PLXNA2: variants seen among roughly 807,000 people sequenced by gnomAD.
PLXNA2 encodes the protein plexin A2.
Under a neutral mutation model 193.5 loss-of-function variants are expected in PLXNA2, and 91 were observed. The observed-to-expected ratio is 0.47, with a 90% CI of 0.40 to 0.56. PLXNA2 has a LOEUF of 0.56. Ranked by LOEUF, PLXNA2 falls within the 20% of genes least tolerant of loss-of-function variation. The pLI is 0.00. For synonymous variants in PLXNA2, 997 were observed against 1,027.3 expected (o/e 0.97, Z 0.56); for missense variants, 1,995 against 2,503.2 (o/e 0.80, Z 4.33).
intron 23 of PLXNA2, 109 bp from the exon 24 acceptor site, chr1:208,039,876 C>A: frequency 6.3e-7 from 1 of 1,583,890 alleles, no homozygotes; most frequent in Non-Finnish European, 8.7e-7. Context: ...TTTAGCACAG[C>A]CAGTCCAGGT....
chr1:208,066,732 T>C (rs956888402), intron 12 of PLXNA2, among the ~76,000 whole-genome samples: 1 of 152,144 alleles, frequency 6.6e-6, no homozygotes, highest in Non-Finnish European at 1.5e-5. Flanking sequence ...GAAGGCATTG[T>C]CATCATAGGA....
chr1:208,144,282 T>C (rs1215530278), intron 3 of PLXNA2, among the ~76,000 whole-genome samples: 6 of 152,170 alleles, frequency 3.9e-5, no homozygotes, highest in African/African-American at 1.4e-4. Context: ...TCAGTTCTTA[T>C]TGGCCGAGTG....
In PLXNA2 at chr1:208,098,907, C is replaced by A. The variant is rs1201038023; in HGVS notation, c.1670G>T (p.Ser557Ile). 1.2e-6 allele frequency: 2 copies of A among 1,613,968 alleles called. No individual in the cohort carries two copies. The highest frequency in any genetic ancestry group is 1.7e-5 in the Admixed American group (1 of 60,018). The change falls in exon 6 of 32, where the codon AGC becomes ATC. Residue 557 changes from serine to isoleucine, a missense_variant. By Grantham distance (142) the Ser-to-Ile change is moderately radical (BLOSUM62 -2). This residue lies in a region of PLXNA2 where 702 missense variants were observed against 812.9 expected (regional missense o/e 0.86). Coordinates refer to ENST00000367033, the MANE Select transcript of PLXNA2 (RefSeq NM_025179.4). Reference protein sequence around the residue: ...WEPNRFAASISQCVSLAVHPS... With the variant: ...WEPNRFAASIIQCVSLAVHPS... ...ATGCACTGCAAGGCTCACACACTGG[C>A]TGATGCTGGCAGCAAATCGATTAGG...
At chr1:208,119,337 A>G (rs1274563158) in intron 4 of PLXNA2, among the ~76,000 whole-genome samples, 1 of 152,210 alleles carries the variant, frequency 6.6e-6, no homozygotes, top group South Asian at 2.1e-4. Context: ...AAGCCACCAT[A>G]TCACAGACCC....
chr1:208,212,631 G>A (rs1670998843), intron 2 of PLXNA2, among the ~76,000 whole-genome samples: 1 of 152,138 alleles, frequency 6.6e-6, no homozygotes, highest in Non-Finnish European at 1.5e-5. Flanking sequence ...CATGGCAATT[G>A]GCAGAGGCTA....
At position 208,236,288 on chromosome 1, in the gene PLXNA2, C is replaced by A. The variant is rs536886549; in HGVS notation, c.-81+7355G>T. Among the ~76,000 whole-genome samples the A allele has an allele frequency of 1.3e-5, 2 of 152,152 alleles. No individual in the cohort carries two copies. The highest frequency in any genetic ancestry group is 2.4e-5 in the African/African-American group (1 of 41,438). On this transcript the variant is annotated intron_variant, in intron 1 of 31. Coordinates refer to ENST00000367033, the MANE Select transcript of PLXNA2 (RefSeq NM_025179.4). This position sits in a 1 kb window ranked among gnomAD's most constrained non-coding sequence, Gnocchi z 4.4. ...TCCTCAGGAGAAAAAAATGGGAAAC[C>A]GGGGAGCAGTCAGGGGAGGTGGGAG...
At position 208,052,425 on chromosome 1, in the gene PLXNA2, G is replaced by A. The variant is rs139454687; in HGVS notation, c.2895C>T (p.Pro965=). 127 of 1,614,106 alleles carry A rather than the reference G, an allele frequency of 7.9e-5. No individual in the cohort carries two copies. The highest frequency in any genetic ancestry group is 2.2e-4 in the East Asian group (10 of 44,882). ...SVLSLNPIRG[P]ESGGTMVTIT... ...TGGTCACCATAGTGCCTCCTGACTC[G>A]GGACCTCGGATTGGGTTGAGTGACA... The change falls in exon 15 of 32, where the codon CCC becomes CCT. Residue 965 remains proline, a synonymous_variant. Coordinates refer to ENST00000367033, the MANE Select transcript of PLXNA2 (RefSeq NM_025179.4).
intron 5 of PLXNA2, among the ~76,000 whole-genome samples, chr1:208,102,836 AACCT>A: frequency 6.6e-6 from 1 of 152,328 alleles, no homozygotes; most frequent in African/African-American, 2.4e-5. Context: ...GTTTTGGGGA[AACCT>A]AAAGACTACA....
intron 4 of PLXNA2, among the ~76,000 whole-genome samples, chr1:208,140,226 T>C (rs1427516032): frequency 6.6e-6 from 1 of 152,224 alleles, no homozygotes; most frequent in Non-Finnish European, 1.5e-5. Context: ...GCATCAGATA[T>C]GGATCTAGGA....
At chr1:208,065,371 C>T (rs1665757553) in intron 12 of PLXNA2, among the ~76,000 whole-genome samples, 1 of 152,196 alleles carries the variant, frequency 6.6e-6, no homozygotes, top group African/African-American at 2.4e-5. Context: ...GCTCTGACAC[C>T]TACAAGTTAT....
intron 3 of PLXNA2, among the ~76,000 whole-genome samples, chr1:208,174,658 A>C (rs1571997737): frequency 6.6e-6 from 1 of 152,120 alleles, no homozygotes. Context: ...TGGTCCATGC[A>C]CCAGGGCCAC....
chr1:208,144,903 C>T, intron 3 of PLXNA2, among the ~76,000 whole-genome samples: 1 of 151,998 alleles, frequency 6.6e-6, no homozygotes, highest in East Asian at 1.9e-4. Flanking sequence ...TGTTACACGG[C>T]TGAGACCACC....
chr1:208,167,734 G>A (rs1669356639), intron 3 of PLXNA2, among the ~76,000 whole-genome samples: 1 of 152,230 alleles, frequency 6.6e-6, no homozygotes, highest in African/African-American at 2.4e-5. Context: ...CCCGCACGTG[G>A]TGCATAATGA....
At chr1:208,116,951 C>G (rs878921142) in intron 4 of PLXNA2, among the ~76,000 whole-genome samples, 1 of 152,140 alleles carries the variant, frequency 6.6e-6, no homozygotes, top group Non-Finnish European at 1.5e-5. Context: ...TGGGCAGGAT[C>G]ATTTGAGTTC....
intron 3 of PLXNA2, among the ~76,000 whole-genome samples, chr1:208,157,836 G>A (rs1431472652): frequency 2.0e-5 from 3 of 152,218 alleles, no homozygotes; most frequent in Non-Finnish European, 4.4e-5. Context: ...ATAAATTAAT[G>A]AATGAATGCT....
intron 3 of PLXNA2, among the ~76,000 whole-genome samples, chr1:208,188,709 CAAA>C (rs1213724508): frequency 7.0e-5 from 5 of 71,432 alleles, no homozygotes; most frequent in African/African-American, 5.3e-5. Context: ...AACTCTGTCT[CAAA>C]AAAAAAAAAA....
chr1:208,050,366 C>T (rs1665218156), intron 17 of PLXNA2, among the ~76,000 whole-genome samples: 1 of 152,244 alleles, frequency 6.6e-6, no homozygotes. Flanking sequence ...ATGTCTGAAT[C>T]TGGAGCCAGA....
chr1:208,092,762 C>T lies in PLXNA2; in HGVS notation c.2097+24G>A, dbSNP rs200953689. 5.2e-6 allele frequency: 8 copies of T among 1,533,262 alleles called. No homozygotes were observed. The African/African-American group carries it at 8.2e-5, about 16-fold the overall frequency. 95.0% of individuals were successfully genotyped at this position (1,533,262 alleles called of 1,614,324 possible). A position where few individuals can be genotyped will look rare whatever the true frequency, so the allele number is the denominator to read the frequency against. ...CACTCAGACTCACTGGGAACACTGC[C>T]ATGTTAGGGTAAGCCCTTCTTACCT... On this transcript the variant is annotated intron_variant, in intron 9 of 31. Coordinates refer to ENST00000367033, the MANE Select transcript of PLXNA2 (RefSeq NM_025179.4).
At position 208,070,844 on chromosome 1, in the gene PLXNA2, G is replaced by A. The variant is rs1467381819; in HGVS notation, c.2586+8416C>T. On this transcript the variant is annotated intron_variant, in intron 12 of 31. Transcript: ENST00000367033. ...AGTGTAAGCTAAGCATTCAGTGAAAGTTAGCTATGATTTTTCTCATGACTG... is the reference window on the plus strand; with the variant it reads ...AGTGTAAGCTAAGCATTCAGTGAAAATTAGCTATGATTTTTCTCATGACTG... Among the ~76,000 whole-genome samples the A allele has an allele frequency of 2.6e-5, 4 of 152,224 alleles. No individual in the cohort carries two copies. In the East Asian group the frequency reaches 7.7e-4, roughly 29 times the overall value.
Sources: allele counts gnomAD v4.1 joint callset (sites outside exome capture counted in the v4.1 genomes callset), GRCh38; gene constraint gnomAD v4.1.1; regional missense constraint gnomAD v4.1.1; non-coding constraint Gnocchi (gnomAD v3.1); transcripts MANE v1.5; gene names NCBI Gene and HGNC (gene_info 2026-07-23, HGNC 2026-07-21).